Variants in EPHA6 observed in about 807,000 individuals in gnomAD.
The protein encoded by EPHA6 is ephrin type-A receptor 6.
A neutral mutation model predicts 112.0 loss-of-function variants in EPHA6; 50 were observed. The observed-to-expected ratio is 0.45, with a 90% CI of 0.36 to 0.56. The LOEUF (loss-of-function observed/expected upper bound fraction) is 0.56. Ranked by LOEUF, EPHA6 falls within the 20% of genes least tolerant of loss-of-function variation. The pLI is 0.00. For missense variants in EPHA6, 1,280 were observed against 1,417.4 expected (o/e 0.90, Z 1.56); for synonymous variants, 529 against 490.7 (o/e 1.08, Z -1.03).
intron 14 of EPHA6, among the ~76,000 whole-genome samples, chr3:97,640,865 C>G (rs187043977): frequency 6.6e-6 from 1 of 151,794 alleles, no homozygotes; most frequent in Non-Finnish European, 1.5e-5. Flanking sequence ...GCAGACAGAC[C>G]AGTTAGGCAT....
intron 6 of EPHA6, among the ~76,000 whole-genome samples, chr3:97,443,286 C>T (rs1484941423): frequency 1.3e-5 from 2 of 148,596 alleles, no homozygotes; most frequent in Non-Finnish European, 3.0e-5. Flanking sequence ...TATTTTGTTT[C>T]TCAAACAACC....
chr3:96,941,353 C>T (rs1305458071), intron 2 of EPHA6, among the ~76,000 whole-genome samples: 1 of 152,148 alleles, frequency 6.6e-6, no homozygotes, highest in African/African-American at 2.4e-5. Context: ...TTCATTTCAT[C>T]TTCTATCACT....
At chr3:96,869,972 C>G (rs1389465925) in intron 2 of EPHA6, among the ~76,000 whole-genome samples, 1 of 152,044 alleles carries the variant, frequency 6.6e-6, no homozygotes, top group East Asian at 1.9e-4. Flanking sequence ...TAGATGATCA[C>G]TAGGGCTTCA....
chr3:97,491,078 A>G (rs561556666), intron 10 of EPHA6, among the ~76,000 whole-genome samples: 1 of 152,304 alleles, frequency 6.6e-6, no homozygotes, highest in Non-Finnish European at 1.5e-5. Context: ...GACAGAAGTC[A>G]CAGTGTTTTA....
intron 2 of EPHA6, among the ~76,000 whole-genome samples, chr3:96,963,160 CAAAA>C (rs376176100): frequency 9.3e-5 from 8 of 85,652 alleles, no homozygotes; most frequent in South Asian, 4.4e-4. Flanking sequence ...AAACTGCATC[CAAAA>C]AAAAAAAAAA....
intron 13 of EPHA6, among the ~76,000 whole-genome samples, chr3:97,636,894 G>T (rs1272960303): frequency 6.6e-6 from 1 of 151,842 alleles, no homozygotes; most frequent in Non-Finnish European, 1.5e-5. Context: ...ATAAAAAAAA[G>T]AATTTTTCAT....
intron 2 of EPHA6, among the ~76,000 whole-genome samples, chr3:96,944,596 C>A (rs928408963): frequency 9.2e-5 from 14 of 152,160 alleles, no homozygotes; most frequent in African/African-American, 2.7e-4. Context: ...CAGTGGCTCA[C>A]GCCTGTAATC....
intron 3 of EPHA6, among the ~76,000 whole-genome samples, chr3:97,007,569 T>C (rs979202745): frequency 3.3e-5 from 5 of 152,188 alleles, no homozygotes; most frequent in African/African-American, 1.2e-4. Flanking sequence ...AAATCACCAG[T>C]CTGTATCTTT....
At chr3:96,844,086 A>G (rs924860197) in intron 1 of EPHA6, among the ~76,000 whole-genome samples, 1 of 152,012 alleles carries the variant, frequency 6.6e-6, no homozygotes, top group African/African-American at 2.4e-5. Context: ...TTTACTTAGT[A>G]GAAAAGATTC....
At chr3:97,478,392 G>C (rs1051223093) in intron 8 of EPHA6, among the ~76,000 whole-genome samples, 11 of 151,942 alleles carry the variant, frequency 7.2e-5, no homozygotes, top group African/African-American at 2.7e-4. Flanking sequence ...CTTGAGAGTT[G>C]GGCTCAAATA....
chr3:97,494,350 T>A (rs1577571072), intron 10 of EPHA6, among the ~76,000 whole-genome samples: 1 of 152,212 alleles, frequency 6.6e-6, no homozygotes, highest in African/African-American at 2.4e-5. Flanking sequence ...TAAGTGACAC[T>A]TTCTAACCTG....
At chr3:97,161,369 G>T (rs2076410818) in intron 3 of EPHA6, among the ~76,000 whole-genome samples, 1 of 152,086 alleles carries the variant, frequency 6.6e-6, no homozygotes, top group African/African-American at 2.4e-5. Context: ...CTTGCCAAAG[G>T]CTCTAAACAG....
At chr3:97,496,329 T>C (rs886810287) in intron 10 of EPHA6, among the ~76,000 whole-genome samples, 7 of 152,170 alleles carry the variant, frequency 4.6e-5, no homozygotes, top group African/African-American at 1.7e-4. Flanking sequence ...AATTATTAAA[T>C]GTTCATCTGC....
chr3:96,863,273 AC>A (rs2036113206), intron 1 of EPHA6, among the ~76,000 whole-genome samples: 1 of 151,838 alleles, frequency 6.6e-6, no homozygotes, highest in Admixed American at 6.6e-5. Context: ...TACTGAGTTT[AC>A]AGTGTTTTTG....
chr3:96,908,662 C>T (rs1298591661), intron 2 of EPHA6, among the ~76,000 whole-genome samples: 2 of 151,812 alleles, frequency 1.3e-5, no homozygotes, highest in Non-Finnish European at 2.9e-5. Context: ...TCATTAATTG[C>T]AATGGAATTT....
chr3:97,347,324 C>T (rs2083582412), intron 5 of EPHA6, among the ~76,000 whole-genome samples: 1 of 152,132 alleles, frequency 6.6e-6, no homozygotes, highest in East Asian at 1.9e-4. Flanking sequence ...GATATATTCA[C>T]CTTATCAATT....
intron 5 of EPHA6, 121 bp from the exon 6 acceptor site, chr3:97,405,029 T>C (rs2087248347): frequency 1.9e-6 from 2 of 1,080,542 alleles, no homozygotes; most frequent in Non-Finnish European, 2.6e-6. Flanking sequence ...TTAATCTGCC[T>C]TCAATAAATG....
chr3:97,173,987 A>T (rs2076765815), intron 3 of EPHA6, among the ~76,000 whole-genome samples: 1 of 150,696 alleles, frequency 6.6e-6, no homozygotes, highest in African/African-American at 2.4e-5. Context: ...CATTCTTTCT[A>T]TTTTTTTTAC....
rs2035969318 is a variant in EPHA6, at chr3:97,754,217, T to C, written c.*5516T>C. On this transcript the variant is annotated 3_prime_UTR_variant, in exon 18 of 18. Transcript: ENST00000389672. Reference sequence around the variant, plus strand: ...AATTCTCCTGCCTCAGCCTCCCGAGTAGCTAGGATTACAGGCATGCGCCAC... The same window carrying C: ...AATTCTCCTGCCTCAGCCTCCCGAGCAGCTAGGATTACAGGCATGCGCCAC... Among the ~76,000 whole-genome samples, 1 of 151,154 alleles carries C rather than the reference T, an allele frequency of 6.6e-6. No individual in the cohort carries two copies. The highest frequency in any genetic ancestry group is 2.4e-5 in the African/African-American group (1 of 41,030).
Sources: gnomAD v4.1 joint callset for allele counts (sites outside exome capture counted in the v4.1 genomes callset) on GRCh38, gnomAD v4.1.1 for gene constraint, MANE v1.5 for transcripts, NCBI Gene and HGNC (gene_info 2026-07-23, HGNC 2026-07-21) for gene names.